TAF7L: variants seen among roughly 807,000 people sequenced by gnomAD.
TAF7L encodes transcription initiation factor TFIID subunit 7-like.
A neutral mutation model predicts 30.2 loss-of-function variants in TAF7L; 6 were observed. The ratio of observed to expected loss-of-function variants is 0.20; its 90% CI spans 0.11 to 0.39. The LOEUF (loss-of-function observed/expected upper bound fraction) is 0.39, where lower values mean the gene tolerates loss of function less well. TAF7L is among the 10% of genes least tolerant of loss of function. The probability of loss-of-function intolerance (pLI) is 1.00; values close to 1 mark genes in which losing one functional copy is unlikely to be tolerated. For missense variants in TAF7L, 284 were observed against 277.1 expected (o/e 1.03, Z -0.18); for synonymous variants, 93 against 94.5 (o/e 0.98, Z 0.09).
intron 12 of TAF7L, among the ~76,000 whole-genome samples, chrX:101,273,634 C>T (rs1924055815): frequency 9.0e-6 from 1 of 111,523 alleles, no homozygotes; most frequent in South Asian, 3.8e-4. Flanking sequence ...ATCTACAATT[C>T]TTCAAGGACT....
upstream of TAF7L, chrX:101,291,368 C>G: frequency 1.5e-6 from 1 of 656,713 alleles, no homozygotes; most frequent in East Asian, 1.6e-4. Flanking sequence ...GTAAAAGCGG[C>G]GCGCGCCGGC....
At chrX:101,291,190 C>G in intron 1 of TAF7L, 34 bp downstream of exon 1, 1 of 687,211 alleles carries the variant, frequency 1.5e-6, no homozygotes, top group Non-Finnish European at 1.7e-6. Flanking sequence ...GGCGCTGACC[C>G]GGTCCCGGCC....
At chrX:101,269,980 C>T (rs1441894046) in intron 12 of TAF7L, among the ~76,000 whole-genome samples, 3 of 111,508 alleles carry the variant, frequency 2.7e-5, no homozygotes, top group Non-Finnish European at 5.6e-5. Context: ...GGGACACTCT[C>T]TTGTCCCAAT....
chrX:101,290,452 G>A (rs1200302128), intron 1 of TAF7L, among the ~76,000 whole-genome samples: 2 of 112,032 alleles, frequency 1.8e-5, no homozygotes, highest in Non-Finnish European at 3.8e-5. Context: ...TTAAGGCTGG[G>A]AGCAGGAACA....
intron 6 of TAF7L, among the ~76,000 whole-genome samples, chrX:101,280,436 A>C (rs1924373960): frequency 8.9e-6 from 1 of 112,076 alleles, no homozygotes; most frequent in Non-Finnish European, 1.9e-5. Context: ...CAATGGGATC[A>C]CTATGCACCT....
intron 1 of TAF7L, among the ~76,000 whole-genome samples, chrX:101,288,728 C>T (rs1475097972): frequency 9.1e-6 from 1 of 109,565 alleles, no homozygotes; most frequent in African/African-American, 3.3e-5. Flanking sequence ...ATATATATAC[C>T]TTTGGTGAAG....
At chrX:101,281,481 T>C (rs1452912498) in intron 6 of TAF7L, among the ~76,000 whole-genome samples, 1 of 111,773 alleles carries the variant, frequency 8.9e-6, no homozygotes, top group Non-Finnish European at 1.9e-5. Context: ...GTTTCAAATG[T>C]ATGATTCTTC....
chrX:101,292,387 C>T (rs374839186), upstream of TAF7L, among the ~76,000 whole-genome samples: 91 of 97,950 alleles, frequency 9.3e-4, 1 homozygote, highest in African/African-American at 3.2e-3. Flanking sequence ...TATAGTGAGC[C>T]GAGATCGTGC....
upstream of TAF7L, chrX:101,292,797 T>G: frequency 8.3e-7 from 1 of 1,207,215 alleles, no homozygotes; most frequent in South Asian, 1.8e-5. Flanking sequence ...TACCTTTCCC[T>G]TCCTGGAAGT....
At chrX:101,283,421 T>G (rs1924481945) in intron 4 of TAF7L, 29 bp downstream of exon 4, 2 of 1,199,880 alleles carry the variant, frequency 1.7e-6, no homozygotes, top group Non-Finnish European at 2.3e-6. Flanking sequence ...TTGAAGGATG[T>G]GAGGCTAGTA....
chrX:101,279,455 T>C (rs946935436), intron 6 of TAF7L, among the ~76,000 whole-genome samples: 2 of 110,516 alleles, frequency 1.8e-5, no homozygotes, highest in African/African-American at 6.6e-5. Flanking sequence ...AACCCGTCTC[T>C]ACTAAAAATA....
upstream of TAF7L, among the ~76,000 whole-genome samples, chrX:101,292,245 A>AT (rs1380180987): frequency 2.1e-4 from 8 of 37,722 alleles, no homozygotes; most frequent in South Asian, 1.5e-3. Flanking sequence ...TCTCAAAAAA[A>AT]AAAAAATAAA....
chrX:101,277,747 C>T (rs1185927738), intron 8 of TAF7L, 28 bp from the exon 9 acceptor site: 3 of 1,062,014 alleles, frequency 2.8e-6, no homozygotes, highest in East Asian at 3.0e-5. Flanking sequence ...TCAAGGAAAA[C>T]ACAGAAGGAA....
intron 12 of TAF7L, among the ~76,000 whole-genome samples, chrX:101,273,672 C>G (rs897989990): frequency 1.8e-5 from 2 of 112,295 alleles, no homozygotes; most frequent in South Asian, 3.7e-4. Context: ...CCAAACCCAT[C>G]CTCCTTATCA....
In TAF7L at chrX:101,275,214, C is replaced by T. The variant is rs1207899699; in HGVS notation, c.1086+8G>A. The T allele has an allele frequency of 2.5e-5, 29 of 1,160,226 alleles. No individual in the cohort carries two copies. Among genetic ancestry groups the T allele is most frequent in the Non-Finnish European group, 3.4e-5 (29 of 857,818 alleles). ...GTTTTCTGGTTAATTTGAAAACATA[C>T]TTCTTACCTTCTCATTTTTTTGTTT... On this transcript the variant is annotated splice_region_variant and intron_variant, in intron 12 of 12. Transcript: ENST00000356784.
Position 101,279,607 on chromosome X carries a change from C to A in TAF7L, c.463-572G>T, listed in dbSNP as rs1020801577. ...TTGCACTCCAGCCTGGGCAACAGAGCGAGACTCCATCTCAAAAAATAAATA... is the reference window on the plus strand; with the variant it reads ...TTGCACTCCAGCCTGGGCAACAGAGAGAGACTCCATCTCAAAAAATAAATA... On this transcript the variant is annotated intron_variant, in intron 6 of 12. Coordinates refer to ENST00000356784, the MANE Select transcript of TAF7L (RefSeq NM_001168474.2). Among the ~76,000 whole-genome samples the A allele has an allele frequency of 7.5e-5, 8 of 107,181 alleles. No individual in the cohort carries two copies. In the Admixed American group the frequency reaches 8.1e-4, roughly 11 times the overall value. 93.1% of individuals were successfully genotyped at this position (107,181 alleles called of 115,157 possible). A position where few individuals can be genotyped will look rare whatever the true frequency, so the allele number is the denominator to read the frequency against.
chrX:101,273,921 A>G (rs1924065758), intron 12 of TAF7L, among the ~76,000 whole-genome samples: 1 of 111,906 alleles, frequency 8.9e-6, no homozygotes, highest in Admixed American at 9.5e-5. Context: ...TGATCCCCCA[A>G]TTAATTCAAG....
intron 1 of TAF7L, among the ~76,000 whole-genome samples, chrX:101,289,409 G>A (rs1025450765): frequency 1.8e-5 from 2 of 112,061 alleles, no homozygotes; most frequent in East Asian, 2.8e-4. Flanking sequence ...ACATCTAGAC[G>A]TGGGATTGCT....
chrX:101,281,824 CAT>C, intron 5 of TAF7L, 49 bp from the exon 6 acceptor site: 1 of 1,058,830 alleles, frequency 9.4e-7, no homozygotes, highest in Non-Finnish European at 1.3e-6. Context: ...ATGGTAGTCA[CAT>C]AGCTGAATTT....
Sources: gnomAD v4.1 joint callset for allele counts (sites outside exome capture counted in the v4.1 genomes callset) on GRCh38, gnomAD v4.1.1 for gene constraint, MANE v1.5 for transcripts, NCBI Gene and HGNC (gene_info 2026-07-23, HGNC 2026-07-21) for gene names.